The following SFSWAP variants were observed in gnomAD, a reference collection of about 807,000 sequenced individuals.
SFSWAP encodes the protein splicing factor, suppressor of white-apricot homolog.
In SFSWAP, 17 loss-of-function variants were observed where a neutral mutation model predicts 100.7. The ratio of observed to expected loss-of-function variants is 0.17; its 90% CI spans 0.12 to 0.25. SFSWAP has a LOEUF of 0.25. SFSWAP is among the 10% of genes least tolerant of loss of function. The pLI is 1.00. For missense variants in SFSWAP, 1,005 were observed against 1,262.6 expected, an observed-to-expected ratio of 0.80 and a Z score of 3.09; for synonymous variants, 504 against 510.1, an observed-to-expected ratio of 0.99 and a Z score of 0.16.
intron 3 of SFSWAP, among the ~76,000 whole-genome samples, chr12:131,719,247 C>G (rs756105562): frequency 8.6e-5 from 13 of 152,000 alleles, no homozygotes; most frequent in African/African-American, 1.4e-4. Flanking sequence ...CCACCTCCCC[C>G]CACCACCCCA....
chr12:131,753,050 T>C (rs547569473), intron 7 of SFSWAP, 73 bp from the exon 8 acceptor site: 184 of 1,581,422 alleles, frequency 1.2e-4, no homozygotes, highest in Non-Finnish European at 1.5e-4. Context: ...GAAGGGCTCT[T>C]GTGGCTGCAT....
intron 11 of SFSWAP, among the ~76,000 whole-genome samples, chr12:131,760,744 T>G (rs1882595324): frequency 6.6e-6 from 1 of 152,236 alleles, no homozygotes; most frequent in African/African-American, 2.4e-5. Flanking sequence ...TTAAGTGGTC[T>G]GTGTTGACAC....
At chr12:131,750,304 C>T (rs1881504822) in intron 7 of SFSWAP, among the ~76,000 whole-genome samples, 2 of 152,230 alleles carry the variant, frequency 1.3e-5, no homozygotes, top group Non-Finnish European at 2.9e-5. Flanking sequence ...TAGGACACGT[C>T]CCACATTCTC....
intron 14 of SFSWAP, among the ~76,000 whole-genome samples, chr12:131,779,786 A>ATTTT (rs1476656440): frequency 6.6e-6 from 1 of 152,066 alleles, no homozygotes; most frequent in Non-Finnish European, 1.5e-5. Flanking sequence ...TTATTTATTT[A>ATTTT]TTCATTTATT....
chr12:131,766,027 TTGTA>T, intron 12 of SFSWAP, 87 bp from the exon 13 acceptor site: 1 of 1,290,414 alleles, frequency 7.7e-7, no homozygotes, highest in Non-Finnish European at 1.1e-6. Flanking sequence ...ACTAACTGCA[TTGTA>T]TGACACTTTT....
intron 13 of SFSWAP, among the ~76,000 whole-genome samples, chr12:131,766,664 G>A (rs1883146071): frequency 6.6e-6 from 1 of 152,214 alleles, no homozygotes; most frequent in African/African-American, 2.4e-5. Flanking sequence ...CGCCTCCGCA[G>A]CAGCACCAGT....
At chr12:131,786,430 A>T in intron 14 of SFSWAP, 33 bp from the exon 15 acceptor site, 1 of 1,568,506 alleles carries the variant, frequency 6.4e-7, no homozygotes, top group Non-Finnish European at 8.6e-7. Flanking sequence ...CAGCCAGGCC[A>T]CAGAGCTGAA....
chr12:131,735,935 C>T (rs1879975253), intron 7 of SFSWAP, among the ~76,000 whole-genome samples: 1 of 152,182 alleles, frequency 6.6e-6, no homozygotes, highest in Admixed American at 6.5e-5. Context: ...CACATAATTA[C>T]AGTAAGTTTA....
intron 7 of SFSWAP, among the ~76,000 whole-genome samples, chr12:131,738,062 T>A (rs956203421): frequency 5.9e-5 from 9 of 152,166 alleles, no homozygotes; most frequent in East Asian, 1.9e-4. Context: ...GGGTTTTTTT[T>A]AATAAAATGC....
At chr12:131,748,517 G>C (rs1208657450) in intron 7 of SFSWAP, among the ~76,000 whole-genome samples, 1 of 152,152 alleles carries the variant, frequency 6.6e-6, no homozygotes, top group African/African-American at 2.4e-5. Context: ...CTTCCAGAAA[G>C]GTGGTTGCTC....
chr12:131,777,754 TA>T (rs967968797), intron 13 of SFSWAP, among the ~76,000 whole-genome samples: 1 of 152,144 alleles, frequency 6.6e-6, no homozygotes, highest in Non-Finnish European at 1.5e-5. Context: ...AAAAGGAACG[TA>T]TTTTTTCCCA....
At chr12:131,722,228 C>T (rs1480084791) in intron 4 of SFSWAP, among the ~76,000 whole-genome samples, 1 of 152,124 alleles carries the variant, frequency 6.6e-6, no homozygotes, top group Non-Finnish European at 1.5e-5. Flanking sequence ...TGACAGGATC[C>T]TTGAGGCTTT....
chr12:131,760,427 A>G (rs536844197), intron 11 of SFSWAP, among the ~76,000 whole-genome samples: 2 of 152,338 alleles, frequency 1.3e-5, no homozygotes, highest in South Asian at 4.1e-4. Flanking sequence ...ATATTTTTTC[A>G]ATGTAGCCTC....
chr12:131,786,960 C>T (rs769463369), intron 15 of SFSWAP, among the ~76,000 whole-genome samples: 21 of 152,298 alleles, frequency 1.4e-4, no homozygotes, highest in Admixed American at 9.8e-4. Context: ...CTAAAGCCTC[C>T]TGGTCTCAAG....
At chr12:131,786,341 C>A in intron 14 of SFSWAP, 122 bp from the exon 15 acceptor site, 1 of 1,247,406 alleles carries the variant, frequency 8.0e-7, no homozygotes, top group Non-Finnish European at 1.1e-6. Context: ...AGGGTCTACA[C>A]AGGCACCACC....
chr12:131,755,678 C>T (rs963266334), intron 10 of SFSWAP, among the ~76,000 whole-genome samples, 199 bp downstream of exon 10: 1 of 152,268 alleles, frequency 6.6e-6, no homozygotes, highest in Non-Finnish European at 1.5e-5. Context: ...CATCTGCCCA[C>T]GTTCACAGCA....
At chr12:131,740,048 G>T (rs4964989) in intron 7 of SFSWAP, among the ~76,000 whole-genome samples, 56,247 of 152,006 alleles carry the variant, frequency 0.37, 11,225 homozygotes, top group Non-Finnish European at 0.45. Context: ...GGCTTGTCTG[G>T]GTATAAAACT....
chr12:131,781,837 A>G (rs982990859), intron 14 of SFSWAP, among the ~76,000 whole-genome samples: 2 of 152,252 alleles, frequency 1.3e-5, no homozygotes, highest in African/African-American at 4.8e-5. Flanking sequence ...TGATTTTGCA[A>G]CTGAGACAAA....
At position 131,725,623 on chromosome 12, in the gene SFSWAP, G is replaced by A; in HGVS notation, c.825G>A (p.Glu275=). The part of the protein sequence containing the change: ...YTVLAENKSD[E]KKKSGVSSDN... ...TCCTGGCAGAAAACAAAAGTGACGA[G>A]AAAAAAAGTAGGTCCCACTGCGTCT... The change falls in exon 5 of 18, where the codon GAG becomes GAA. Residue 275 remains glutamate, a synonymous_variant. Coordinates refer to ENST00000261674, the MANE Select transcript of SFSWAP (RefSeq NM_004592.4). The surrounding 1 kb of genome is among the most constrained non-coding windows in gnomAD (Gnocchi z 4.3). 6.2e-7 allele frequency: 1 copy of A among 1,612,530 alleles called. No homozygotes were observed. The highest frequency in any genetic ancestry group is 8.5e-7 in the Non-Finnish European group (1 of 1,179,178).
Sources: allele counts gnomAD v4.1 joint callset (sites outside exome capture counted in the v4.1 genomes callset), GRCh38; gene constraint gnomAD v4.1.1; non-coding constraint Gnocchi (gnomAD v3.1); transcripts MANE v1.5; gene names NCBI Gene and HGNC (gene_info 2026-07-23, HGNC 2026-07-21).